Variants in LEPR observed in about 807,000 individuals in gnomAD.
The protein encoded by LEPR is OB receptor.
In LEPR, 56 loss-of-function variants were observed where a neutral mutation model predicts 114.7. The observed-to-expected ratio is 0.49, with a 90% CI of 0.39 to 0.61. The LOEUF (loss-of-function observed/expected upper bound fraction) is 0.61. Among genes scored for constraint, LEPR ranks in the 20% least tolerant of loss-of-function variants. The pLI is 0.00. For missense variants in LEPR, 1,202 were observed against 1,352.9 expected (o/e 0.89, Z 1.75); for synonymous variants, 443 against 461.4 (o/e 0.96, Z 0.51).
rs1655790020 is a variant in LEPR at position 65,592,729 on chromosome 1, T to C, written c.567T>C (p.Ser189=). The change falls in exon 6 of 20, where the codon AGT becomes AGC. Residue 189 remains serine (S), a synonymous_variant. Coordinates refer to ENST00000349533, the MANE Select transcript of LEPR (RefSeq NM_002303.6). The part of the protein sequence containing the change: ...GSFQMVHCNC[S]VHECCECLVP... Reference sequence around the variant, plus strand: ...TTCAGATGGTTCACTGCAATTGCAGTGTTCATGAATGTTGTGAATGTCTTG... The same window carrying C: ...TTCAGATGGTTCACTGCAATTGCAGCGTTCATGAATGTTGTGAATGTCTTG... 6.2e-7 allele frequency: 1 copy of C among 1,613,418 alleles called. No individual in the cohort carries two copies. The highest frequency in any genetic ancestry group is 8.5e-7 in the Non-Finnish European group (1 of 1,179,496).
At chr1:65,531,413 TTTC>T (rs1650387515) in intron 2 of LEPR, among the ~76,000 whole-genome samples, 1 of 151,838 alleles carries the variant, frequency 6.6e-6, no homozygotes, top group Admixed American at 6.6e-5. Flanking sequence ...TTTCCTTTCC[TTTC>T]CTTTCCTCCT....
In LEPR at chr1:65,420,700, C is replaced by T; in HGVS notation, c.-137C>T. 1 of 1,576,262 alleles carries T rather than the reference C, an allele frequency of 6.3e-7. No homozygotes were observed. Among genetic ancestry groups the T allele is most frequent in the Non-Finnish European group, 8.6e-7 (1 of 1,163,342 alleles). ...CCGGGCCGTGGCAGGAAGCCGGAAG[C>T]AGCCGCGGCCCCAGTTCGGGAGACA... On this transcript the variant is annotated 5_prime_UTR_variant, in exon 1 of 20. Transcript: ENST00000349533.
At chr1:65,493,235 A>G (rs952609877) in intron 2 of LEPR, among the ~76,000 whole-genome samples, 2 of 151,934 alleles carry the variant, frequency 1.3e-5, no homozygotes, top group African/African-American at 4.8e-5. Flanking sequence ...TTCTTCCCGG[A>G]CGCTGCCAGT....
At position 65,598,644 on chromosome 1, in the gene LEPR, A is replaced by G. The variant is rs1209170261; in HGVS notation, c.850-16A>G. 2.5e-6 allele frequency: 4 copies of G among 1,612,272 alleles called. No individual in the cohort carries two copies. In the African/African-American group the frequency reaches 5.3e-5, roughly 22 times the overall value. On this transcript the variant is annotated splice_polypyrimidine_tract_variant and intron_variant, in intron 7 of 19. Transcript: ENST00000349533. ...ATCAACTTGATGTTCTGATGTTTTA[A>G]TATAATATTTAACAGGCTGACAAGA...
chr1:65,471,029 G>T (rs937907634), intron 2 of LEPR, among the ~76,000 whole-genome samples: 1 of 152,242 alleles, frequency 6.6e-6, no homozygotes, highest in Admixed American at 6.5e-5. Flanking sequence ...AAGTGTTCTT[G>T]TATGTGGCAG....
At chr1:65,477,490 C>T (rs943036950) in intron 2 of LEPR, among the ~76,000 whole-genome samples, 8 of 152,296 alleles carry the variant, frequency 5.3e-5, no homozygotes, top group Admixed American at 2.0e-4. Context: ...CACTTCTACA[C>T]GAAGGGTAAG....
intron 6 of LEPR, among the ~76,000 whole-genome samples, chr1:65,593,086 T>A (rs1354708033): frequency 6.6e-6 from 1 of 152,110 alleles, no homozygotes; most frequent in Non-Finnish European, 1.5e-5. Context: ...GAAAACTGTT[T>A]TCTTTCAATC....
chr1:65,439,983 G>A (rs2100274934), intron 2 of LEPR, among the ~76,000 whole-genome samples: 1 of 120,956 alleles, frequency 8.3e-6, no homozygotes, highest in South Asian at 2.7e-4. Flanking sequence ...CCTGGGCGAG[G>A]AAGAGAGATT....
chr1:65,528,633 T>C (rs1650145813), intron 2 of LEPR, among the ~76,000 whole-genome samples: 1 of 152,020 alleles, frequency 6.6e-6, no homozygotes, highest in Non-Finnish European at 1.5e-5. Flanking sequence ...GAGAAGCATA[T>C]AAAACAAATT....
At chr1:65,619,423 A>G (rs1452370484) in intron 16 of LEPR, among the ~76,000 whole-genome samples, 4 of 152,160 alleles carry the variant, frequency 2.6e-5, no homozygotes, top group African/African-American at 9.6e-5. Context: ...TCAAAATCCC[A>G]GATCTTGCAA....
At chr1:65,425,863 G>A (rs1181740189) in intron 2 of LEPR, among the ~76,000 whole-genome samples, 1 of 152,176 alleles carries the variant, frequency 6.6e-6, no homozygotes, top group Admixed American at 6.5e-5. Flanking sequence ...AGTCAGGGGA[G>A]GACATTCCAG....
At chr1:65,626,805 G>A (rs972535997) in intron 19 of LEPR, among the ~76,000 whole-genome samples, 14 of 151,884 alleles carry the variant, frequency 9.2e-5, no homozygotes, top group East Asian at 1.9e-4. Context: ...CACCACGCCC[G>A]GCTAATTTTT....
At position 65,622,923 on chromosome 1, in the gene LEPR, G is replaced by C; in HGVS notation, c.2615G>C (p.Trp872Ser). The change falls in exon 19 of 20, where the codon TGG becomes TCG. Residue 872 changes from tryptophan to serine, a missense_variant. Physicochemically the swap from Trp to Ser is radical, Grantham distance 177. Coordinates refer to ENST00000349533, the MANE Select transcript of LEPR (RefSeq NM_002303.6). ...CTTTGTAGAATGAAAAAGCTATTTT[G>C]GGAAGATGTTCCGAACCCCAAGAAT... ...ISHQRMKKLF[W>S]EDVPNPKNCS... 3 of 1,613,900 alleles carry C rather than the reference G, an allele frequency of 1.9e-6. No individual in the cohort carries two copies. The highest frequency in any genetic ancestry group is 2.5e-6 in the Non-Finnish European group (3 of 1,179,922).
intron 2 of LEPR, among the ~76,000 whole-genome samples, chr1:65,462,812 T>C (rs1365039333): frequency 1.3e-5 from 2 of 152,258 alleles, no homozygotes; most frequent in Non-Finnish European, 2.9e-5. Flanking sequence ...GAGAAATGTC[T>C]GTTTATATCC....
intron 2 of LEPR, among the ~76,000 whole-genome samples, chr1:65,471,049 A>G (rs781516681): frequency 2.6e-5 from 4 of 152,242 alleles, no homozygotes; most frequent in African/African-American, 4.8e-5. Flanking sequence ...GTAAAGAAAG[A>G]CAATACTCCT....
chr1:65,583,577 A>T (rs1655134188), intron 5 of LEPR, among the ~76,000 whole-genome samples: 1 of 152,168 alleles, frequency 6.6e-6, no homozygotes, highest in South Asian at 2.1e-4. Context: ...TGCTTAAAGG[A>T]TGCCCTAAAA....
intron 2 of LEPR, among the ~76,000 whole-genome samples, chr1:65,457,473 A>G (rs187897265): frequency 1.2e-3 from 186 of 152,210 alleles, no homozygotes; most frequent in African/African-American, 4.3e-3. Context: ...AGCCACGTTC[A>G]CTCTACTAAT....
At chr1:65,449,604 T>G (rs1646755708) in intron 2 of LEPR, among the ~76,000 whole-genome samples, 1 of 152,008 alleles carries the variant, frequency 6.6e-6, no homozygotes, top group African/African-American at 2.4e-5. Flanking sequence ...CTGGAGCCTG[T>G]GCCAGAGCCA....
At chr1:65,471,293 C>T (rs896761619) in intron 2 of LEPR, among the ~76,000 whole-genome samples, 2 of 152,064 alleles carry the variant, frequency 1.3e-5, no homozygotes, top group African/African-American at 4.8e-5. Flanking sequence ...GGACTTTGTC[C>T]CTGCCCTCAT....
Sources: gnomAD v4.1 joint callset for allele counts (sites outside exome capture counted in the v4.1 genomes callset) on GRCh38, gnomAD v4.1.1 for gene constraint, MANE v1.5 for transcripts, NCBI Gene and HGNC (gene_info 2026-07-23, HGNC 2026-07-21) for gene names.